Variants in MACO1 observed in about 807,000 individuals in gnomAD.
MACO1 encodes macoilin 1.
Under a neutral mutation model 78.7 loss-of-function variants are expected in MACO1, and 14 were observed. The observed-to-expected ratio is 0.18, with a 90% CI of 0.12 to 0.28. The LOEUF is 0.28. Among genes scored for constraint, MACO1 ranks in the 10% least tolerant of loss-of-function variants. MACO1 has a pLI of 1.00. For synonymous variants in MACO1, 288 were observed against 291.6 expected, an observed-to-expected ratio of 0.99 and a Z score of 0.12; for missense variants, 501 against 799.0, an observed-to-expected ratio of 0.63 and a Z score of 4.50.
chr1:25,474,807 C>T (rs1003600899), intron 6 of MACO1, among the ~76,000 whole-genome samples: 1 of 152,144 alleles, frequency 6.6e-6, no homozygotes, highest in African/African-American at 2.4e-5. Flanking sequence ...TCTTCACAGA[C>T]GACACAGGGT....
intron 6 of MACO1, among the ~76,000 whole-genome samples, chr1:25,473,787 T>A (rs2043295768): frequency 1.3e-5 from 2 of 152,248 alleles, no homozygotes; most frequent in Non-Finnish European, 2.9e-5. Flanking sequence ...TGCCAGCCAA[T>A]GTGGGTATAT....
chr1:25,435,138 T>C (rs2042908390), intron 1 of MACO1, among the ~76,000 whole-genome samples: 1 of 152,208 alleles, frequency 6.6e-6, no homozygotes, highest in African/African-American at 2.4e-5. Context: ...AAGTAAGGTA[T>C]ATGTTTTAAG....
In MACO1 at chr1:25,431,058, ACGG is replaced by A. The variant is rs764650744; in HGVS notation, c.-29_-27del. 1.1e-5 allele frequency: 16 copies of A among 1,514,512 alleles called. No homozygotes were observed. Among genetic ancestry groups the A allele is most frequent in the East Asian group, 5.1e-5 (2 of 39,444 alleles). The allele number at this position is 1,514,512 out of a possible 1,614,324, so 93.8% of individuals were successfully genotyped here. A position where few individuals can be genotyped will look rare whatever the true frequency, so the allele number is the denominator to read the frequency against. On this transcript the variant is annotated 5_prime_UTR_variant, in exon 1 of 11. Transcript: ENST00000374343. ...GCGGCGGCGGCAGCTGAGGTGAGAG[ACGG>A]CGGCGGCGGCGCGGGCACCCGGCCC...
chr1:25,496,068 T>C lies in MACO1; in HGVS notation c.1793-2196T>C, dbSNP rs374315063. Among the ~76,000 whole-genome samples the C allele has an allele frequency of 1.4e-4, 22 of 152,276 alleles. No individual in the cohort carries two copies. In the East Asian group the frequency reaches 3.3e-3, roughly 23 times the overall value. On this transcript the variant is annotated intron_variant, in intron 10 of 10. Transcript: ENST00000374343. Reference sequence around the variant, plus strand: ...ATTCCAAATAGATTATTGTCTTCTATAGGACCCATGAGCAATCTCAAAATA... The same window carrying C: ...ATTCCAAATAGATTATTGTCTTCTACAGGACCCATGAGCAATCTCAAAATA...
At chr1:25,448,181 A>G (rs971537189) in intron 2 of MACO1, among the ~76,000 whole-genome samples, 3 of 152,206 alleles carry the variant, frequency 2.0e-5, no homozygotes, top group Middle Eastern at 3.4e-3. Context: ...TAGTTTTTTC[A>G]GGGCCAGACG....
In MACO1 at chr1:25,458,596, T is replaced by C; in HGVS notation, c.858T>C (p.Ile286=). 1 of 1,613,754 alleles carries C rather than the reference T, an allele frequency of 6.2e-7. No individual in the cohort carries two copies. The highest frequency in any genetic ancestry group is 8.5e-7 in the Non-Finnish European group (1 of 1,179,918). The change falls in exon 6 of 11, where the codon ATT becomes ATC. Residue 286 remains isoleucine (I), a synonymous_variant. Transcript: ENST00000374343. ...CTGTAGACTCTAAAATACAAGAGATTGAGTATATGGAAAACCATATCAATA... is the reference window on the plus strand; with the variant it reads ...CTGTAGACTCTAAAATACAAGAGATCGAGTATATGGAAAACCATATCAATA... ...LQPVDSKIQE[I]EYMENHINSK...
At chr1:25,444,762 T>A (rs1179670636) in intron 1 of MACO1, among the ~76,000 whole-genome samples, 1 of 151,978 alleles carries the variant, frequency 6.6e-6, no homozygotes, top group Non-Finnish European at 1.5e-5. Context: ...AATTTTTAAA[T>A]TTTTTGTACA....
In MACO1 at chr1:25,448,902, C is replaced by T; in HGVS notation, c.317C>T (p.Thr106Ile). The change falls in exon 3 of 11, where the codon ACA (threonine) becomes ATA (isoleucine). Residue 106 changes from threonine (T) to isoleucine (I), a missense_variant. Thr to Ile is a moderately conservative substitution (Grantham distance 89). Coordinates refer to ENST00000374343, the MANE Select transcript of MACO1 (RefSeq NM_018202.6). Reference sequence around the variant, plus strand: ...CAGTGGCTTTTTTTTGCTGCTAGCACATATGTATGGGTTCAGTACGTATGG... The same window carrying T: ...CAGTGGCTTTTTTTTGCTGCTAGCATATATGTATGGGTTCAGTACGTATGG... The part of the protein sequence containing the change: ...PIQWLFFAAS[T>I]YVWVQYVWHT... 2 of 1,543,884 alleles carry T rather than the reference C, an allele frequency of 1.3e-6. No homozygotes were observed. The highest frequency in any genetic ancestry group is 1.8e-6 in the Non-Finnish European group (2 of 1,131,888).
chr1:25,479,473 G>C (rs151247133), intron 6 of MACO1, among the ~76,000 whole-genome samples: 1 of 151,876 alleles, frequency 6.6e-6, no homozygotes, highest in Non-Finnish European at 1.5e-5. Flanking sequence ...GAGTGCAGTG[G>C]TGTGATCTTG....
intron 1 of MACO1, among the ~76,000 whole-genome samples, chr1:25,445,132 T>TA (rs11297651): frequency 0.017 from 1,863 of 112,232 alleles, 34 homozygotes; most frequent in African/African-American, 0.045. Context: ...CCATCTCTAT[T>TA]AAAAAAAAAA....
At chr1:25,484,005 C>T (rs527527195) in intron 6 of MACO1, 111 bp from the exon 7 acceptor site, 24 of 1,088,790 alleles carry the variant, frequency 2.2e-5, no homozygotes, top group African/African-American at 6.4e-5. Context: ...GAACTGCCAG[C>T]GGGGTCCTTT....
At chr1:25,448,979 A>G (rs970814106) in intron 3 of MACO1, 45 bp downstream of exon 3, 11 of 1,391,486 alleles carry the variant, frequency 7.9e-6, no homozygotes, top group Non-Finnish European at 1.0e-5. Context: ...CTTAGATTCA[A>G]ATTTTTAAAT....
chr1:25,498,161 G>T, intron 10 of MACO1, 103 bp from the exon 11 acceptor site: 2 of 1,130,448 alleles, frequency 1.8e-6, no homozygotes, highest in East Asian at 2.4e-5. Context: ...ACTGAACCTG[G>T]AGCTGTTCAC....
rs140788853 is a variant in MACO1 at position 25,466,980 on chromosome 1, C to T, written c.1154+8088C>T. On this transcript the variant is annotated intron_variant, in intron 6 of 10. Coordinates refer to ENST00000374343, the MANE Select transcript of MACO1 (RefSeq NM_018202.6). ...CGATCATTCAGAAATCATGCTCGGC[C>T]GGGCACGGTGGTTCACGTCCATAAT... Among the ~76,000 whole-genome samples, 589 of 152,212 alleles carry T rather than the reference C, an allele frequency of 3.9e-3. 4 individuals carry two copies. Among genetic ancestry groups the T allele is most frequent in the African/African-American group, 0.01 (426 of 41,532 alleles).
intron 9 of MACO1, 83 bp downstream of exon 9, chr1:25,489,376 G>T: frequency 6.7e-7 from 1 of 1,486,000 alleles, no homozygotes; most frequent in Non-Finnish European, 9.1e-7. Flanking sequence ...GTGTAGAGAT[G>T]ATGCCTTTTA....
rs1331143524 is a variant in MACO1, at chr1:25,485,508, A to T, written c.1314-105A>T. ...ATTGACATTTTTGATTTGCTGTTCA[A>T]ACCTCCTGTTTAATTGGCCTTAAGG... is the stretch of plus-strand genomic sequence containing the variant. On this transcript the variant is annotated intron_variant, in intron 7 of 10. Coordinates refer to ENST00000374343, the MANE Select transcript of MACO1 (RefSeq NM_018202.6). This position sits in a 1 kb window ranked among gnomAD's most constrained non-coding sequence, Gnocchi z 4.3. 8.3e-7 allele frequency: 1 copy of T among 1,210,148 alleles called. No individual in the cohort carries two copies. The highest frequency in any genetic ancestry group is 1.1e-6 in the Non-Finnish European group (1 of 872,584). 75.0% of individuals were successfully genotyped at this position (1,210,148 alleles called of 1,614,324 possible).
In MACO1 at chr1:25,473,121, T is replaced by C. The variant is rs113665887; in HGVS notation, c.1155-10995T>C. ...TTCTAGCACTATGTCTGAGCAGATATACTTTGTCGGACCTGATTAATTTTC... is the reference window on the plus strand; with the variant it reads ...TTCTAGCACTATGTCTGAGCAGATACACTTTGTCGGACCTGATTAATTTTC... On this transcript the variant is annotated intron_variant, in intron 6 of 10. Transcript: ENST00000374343. 1.7e-4 allele frequency among the ~76,000 whole-genome samples: 26 copies of C among 152,340 alleles called. 1 individual carries two copies. Among genetic ancestry groups the C allele is most frequent in the African/African-American group, 6.3e-4 (26 of 41,578 alleles).
At chr1:25,447,984 A>G (rs1018963933) in intron 2 of MACO1, among the ~76,000 whole-genome samples, 1 of 152,204 alleles carries the variant, frequency 6.6e-6, no homozygotes, top group African/African-American at 2.4e-5. Flanking sequence ...AGTGGTGTCC[A>G]GAGGAAAGCT....
rs1428790644 is a variant in MACO1, at chr1:25,458,898, T to C, written c.1154+6T>C. The C allele has an allele frequency of 6.2e-7, 1 of 1,605,492 alleles. No individual in the cohort carries two copies. The highest frequency in any genetic ancestry group is 2.2e-5 in the East Asian group (1 of 44,806). ...AAACCAGACGCACTGGTCAGGTAAGTGCACATGCTGCATCCTTACTAACAC... is the reference window on the plus strand; with the variant it reads ...AAACCAGACGCACTGGTCAGGTAAGCGCACATGCTGCATCCTTACTAACAC... On this transcript the variant is annotated splice_donor_region_variant and intron_variant, in intron 6 of 10. Transcript: ENST00000374343.
Sources: allele counts gnomAD v4.1 joint callset (sites outside exome capture counted in the v4.1 genomes callset), GRCh38; gene constraint gnomAD v4.1.1; non-coding constraint Gnocchi (gnomAD v3.1); transcripts MANE v1.5; gene names NCBI Gene and HGNC (gene_info 2026-07-23, HGNC 2026-07-21).